The following PTPRK variants were observed in gnomAD, a reference collection of about 807,000 sequenced individuals.
PTPRK encodes the protein receptor-type tyrosine-protein phosphatase kappa.
PTPRK carries 75 observed loss-of-function variants against 178.0 expected under a neutral mutation model. The ratio of observed to expected loss-of-function variants is 0.42; its 90% CI spans 0.35 to 0.51. The LOEUF (loss-of-function observed/expected upper bound fraction) is 0.51. PTPRK is among the 20% of genes least tolerant of loss of function. The pLI is 0.02. For synonymous variants in PTPRK, 637 were observed against 620.6 expected (o/e 1.03, Z -0.39); for missense variants, 1,441 against 1,797.8 (o/e 0.80, Z 3.59).
chr6:128,080,962 T>C (rs917510844), intron 10 of PTPRK, among the ~76,000 whole-genome samples: 9 of 152,044 alleles, frequency 5.9e-5, no homozygotes, highest in African/African-American at 1.2e-4. Context: ...TTCTGGTCTT[T>C]TTTATAAACT....
chr6:127,975,705 C>T (rs780659151), intron 27 of PTPRK, among the ~76,000 whole-genome samples: 3 of 152,128 alleles, frequency 2.0e-5, no homozygotes, highest in Non-Finnish European at 4.4e-5. Context: ...GACGAAGTCT[C>T]GCTCTATACA....
chr6:128,482,667 C>T (rs1386523233), intron 1 of PTPRK, among the ~76,000 whole-genome samples: 3 of 152,134 alleles, frequency 2.0e-5, no homozygotes, highest in East Asian at 1.9e-4. Context: ...TTCAGTTCGT[C>T]GGTCAGTGAA....
chr6:128,414,655 C>T (rs566863840), intron 1 of PTPRK, among the ~76,000 whole-genome samples: 27 of 152,216 alleles, frequency 1.8e-4, no homozygotes, highest in African/African-American at 6.0e-4. Context: ...TCTAATGTAA[C>T]GATGCCATTG....
At chr6:128,355,385 CT>C (rs1182227419) in intron 2 of PTPRK, among the ~76,000 whole-genome samples, 1 of 152,160 alleles carries the variant, frequency 6.6e-6, no homozygotes, top group Admixed American at 6.5e-5. Flanking sequence ...TTAAGTCAGT[CT>C]TTTAATTTCC....
chr6:128,131,897 T>C (rs1794301521), intron 7 of PTPRK, among the ~76,000 whole-genome samples: 1 of 152,210 alleles, frequency 6.6e-6, no homozygotes, highest in South Asian at 2.1e-4. Context: ...TTCTTGGCTC[T>C]GATCTCTTTA....
intron 13 of PTPRK, among the ~76,000 whole-genome samples, chr6:128,056,760 C>T (rs1253084832): frequency 1.3e-5 from 2 of 152,038 alleles, no homozygotes; most frequent in Admixed American, 6.6e-5. Flanking sequence ...TCCCTTTTTA[C>T]TCAAGTAAGA....
chr6:128,117,657 A>G (rs1188333303), intron 7 of PTPRK, among the ~76,000 whole-genome samples: 2 of 151,972 alleles, frequency 1.3e-5, no homozygotes, highest in Non-Finnish European at 2.9e-5. Context: ...TATTCATATT[A>G]TTTATGTATT....
intron 2 of PTPRK, among the ~76,000 whole-genome samples, chr6:128,371,921 A>T (rs958584825): frequency 1.3e-5 from 2 of 151,746 alleles, no homozygotes; most frequent in African/African-American, 4.8e-5. Flanking sequence ...TCCAGATTTC[A>T]TTCTTCATCA....
chr6:127,995,498 A>T lies in PTPRK; in HGVS notation c.2808T>A (p.Asp936Glu). ...SRVILQPVED[D>E]PSSDYINANY... ...TGGCATTAATATAATCTGAGGAAGG[A>T]TCATCCTCTACGGGTTGCAAAATCA... The change falls in exon 18 of 30, where the codon GAT (aspartate) becomes GAA (glutamate). Residue 936 changes from aspartate to glutamate, a missense_variant. Transcript: ENST00000368226. 1.3e-6 allele frequency: 2 copies of T among 1,599,706 alleles called. No individual in the cohort carries two copies. Among genetic ancestry groups the T allele is most frequent in the Non-Finnish European group, 1.7e-6 (2 of 1,170,912 alleles).
chr6:128,325,415 A>C (rs1829416027), intron 2 of PTPRK, among the ~76,000 whole-genome samples: 1 of 152,210 alleles, frequency 6.6e-6, no homozygotes, highest in African/African-American at 2.4e-5. Flanking sequence ...AAATTTTTAC[A>C]ATCTATCCAT....
intron 1 of PTPRK, among the ~76,000 whole-genome samples, chr6:128,460,912 T>C (rs1848976283): frequency 6.6e-6 from 1 of 152,084 alleles, no homozygotes; most frequent in South Asian, 2.1e-4. Context: ...CATGTCAAAA[T>C]GAAGGACAGA....
intron 6 of PTPRK, among the ~76,000 whole-genome samples, chr6:128,196,173 G>C (rs1167968655): frequency 6.6e-6 from 1 of 151,910 alleles, no homozygotes; most frequent in Non-Finnish European, 1.5e-5. Flanking sequence ...TTAATGATGG[G>C]GGAAGAAAAA....
intron 12 of PTPRK, among the ~76,000 whole-genome samples, chr6:128,065,580 G>A (rs1033574728): frequency 3.3e-5 from 5 of 152,094 alleles, no homozygotes; most frequent in Non-Finnish European, 7.4e-5. Flanking sequence ...ACAAACCAGA[G>A]GCGATCTGTT....
At chr6:128,485,969 C>A (rs1475092715) in intron 1 of PTPRK, among the ~76,000 whole-genome samples, 4 of 152,100 alleles carry the variant, frequency 2.6e-5, no homozygotes, top group African/African-American at 9.7e-5. Flanking sequence ...TCATTTTGAT[C>A]AAGAAGCAAT....
At chr6:128,041,674 C>T (rs1777184411) in intron 13 of PTPRK, among the ~76,000 whole-genome samples, 1 of 151,718 alleles carries the variant, frequency 6.6e-6, no homozygotes, top group Admixed American at 6.6e-5. Flanking sequence ...TTTGCTACTT[C>T]ATAATCAAAG....
intron 15 of PTPRK, chr6:127,999,826 T>G (rs1468421378): frequency 3.4e-5 from 13 of 384,872 alleles, no homozygotes; most frequent in Non-Finnish European, 4.6e-5. Flanking sequence ...TAACAGTAAC[T>G]CAATAAATAT....
chr6:128,184,407 G>A, intron 7 of PTPRK, 25 bp downstream of exon 7: 2 of 1,606,854 alleles, frequency 1.2e-6, no homozygotes, highest in Non-Finnish European at 1.7e-6. Context: ...TCACAAGGTA[G>A]AAAAGGTCTG....
intron 2 of PTPRK, among the ~76,000 whole-genome samples, chr6:128,371,406 C>T (rs574792756): frequency 6.6e-6 from 1 of 152,170 alleles, no homozygotes; most frequent in Non-Finnish European, 1.5e-5. Context: ...AGGTTTAATG[C>T]AATCTAGATT....
intron 1 of PTPRK, among the ~76,000 whole-genome samples, chr6:128,465,751 G>C (rs1224998366): frequency 6.6e-6 from 1 of 152,046 alleles, no homozygotes; most frequent in East Asian, 1.9e-4. Context: ...TCCATGAGGT[G>C]ATTAGAGACC....
Sources: allele counts gnomAD v4.1 joint callset (sites outside exome capture counted in the v4.1 genomes callset), GRCh38; gene constraint gnomAD v4.1.1; transcripts MANE v1.5; gene names NCBI Gene and HGNC (gene_info 2026-07-23, HGNC 2026-07-21).